Variants in RAB11FIP4 observed in about 807,000 individuals in gnomAD.
The protein encoded by RAB11FIP4 is rab11 family-interacting protein 4.
RAB11FIP4 carries 23 observed loss-of-function variants against 74.3 expected under a neutral mutation model. The observed-to-expected ratio is 0.31, with a 90% CI of 0.22 to 0.44. RAB11FIP4 has a LOEUF of 0.44. RAB11FIP4 is among the 20% of genes least tolerant of loss of function. The pLI is 1.00. For synonymous variants in RAB11FIP4, 360 were observed against 359.9 expected (o/e 1.00, Z 0.00); for missense variants, 630 against 863.9 (o/e 0.73, Z 3.39).
chr17:31,424,879 A>G (rs573199308), intron 1 of RAB11FIP4, among the ~76,000 whole-genome samples: 1 of 152,126 alleles, frequency 6.6e-6, no homozygotes, highest in African/African-American at 2.4e-5. Context: ...GCCTGGCCTA[A>G]TTTTTCTTTT....
Position 31,536,836 on chromosome 17 carries a change from T to C in RAB11FIP4, c.*5104T>C. ...ACCCACCAGAGAAAATAGGCTGCCT[T>C]CTAGAAAGATTTGTTTCTAAAAGCG... is the stretch of plus-strand genomic sequence containing the variant. On this transcript the variant is annotated 3_prime_UTR_variant, in exon 15 of 15. Coordinates refer to ENST00000621161, the MANE Select transcript of RAB11FIP4 (RefSeq NM_032932.6). 2.5e-6 allele frequency: 1 copy of C among 397,226 alleles called. No homozygotes were observed. Among genetic ancestry groups the C allele is most frequent in the Non-Finnish European group, 4.4e-6 (1 of 225,738 alleles). The allele number at this position is 397,226 out of a possible 1,614,324, so 24.6% of individuals were successfully genotyped here.
chr17:31,449,808 C>CA (rs760852001), intron 3 of RAB11FIP4, among the ~76,000 whole-genome samples: 5 of 152,168 alleles, frequency 3.3e-5, no homozygotes, highest in Non-Finnish European at 5.9e-5. Flanking sequence ...TGGCCTCAAG[C>CA]AATCCTCCAA....
intron 1 of RAB11FIP4, among the ~76,000 whole-genome samples, chr17:31,431,211 G>C (rs2071306549): frequency 6.6e-6 from 1 of 152,236 alleles, no homozygotes; most frequent in Non-Finnish European, 1.5e-5. Flanking sequence ...ACACCAAGCA[G>C]CATGGAAACT....
intron 3 of RAB11FIP4, chr17:31,487,955 C>G (rs1453970974): frequency 4.1e-6 from 3 of 733,942 alleles, no homozygotes; most frequent in African/African-American, 3.8e-5. Flanking sequence ...GCGTCCCTGT[C>G]CTCCGCCCCC....
Position 31,531,962 on chromosome 17 carries a change from C to T in RAB11FIP4, c.*230C>T. 1 of 492,938 alleles carries T rather than the reference C, an allele frequency of 2.0e-6. No individual in the cohort carries two copies. Among genetic ancestry groups the T allele is most frequent in the Non-Finnish European group, 3.6e-6 (1 of 274,940 alleles). The allele number at this position is 492,938 out of a possible 1,614,324, so 30.5% of individuals were successfully genotyped here. On this transcript the variant is annotated 3_prime_UTR_variant, in exon 15 of 15. Coordinates refer to ENST00000621161, the MANE Select transcript of RAB11FIP4 (RefSeq NM_032932.6). ...GTTAGCCGTGCATGCACTTTGTGGC[C>T]CCTTTGCAAGGGGCAGAGGGTACTG...
At chr17:31,424,870 C>A (rs1371838652) in intron 1 of RAB11FIP4, among the ~76,000 whole-genome samples, 1 of 152,128 alleles carries the variant, frequency 6.6e-6, no homozygotes, top group Non-Finnish European at 1.5e-5. Flanking sequence ...AGCCACTGTG[C>A]CTGGCCTAAT....
chr17:31,408,294 G>A (rs11080152), intron 1 of RAB11FIP4, among the ~76,000 whole-genome samples: 2,437 of 152,100 alleles, frequency 0.016, 69 homozygotes, highest in African/African-American at 0.056. Flanking sequence ...GGTCTGTAAC[G>A]GGTATTGCAT....
At chr17:31,392,082 C>T in intron 1 of RAB11FIP4, 71 bp downstream of exon 1, 1 of 1,127,752 alleles carries the variant, frequency 8.9e-7, no homozygotes, top group Non-Finnish European at 1.1e-6. Flanking sequence ...CCCAGCTCCC[C>T]CGCCGGGTCA....
At chr17:31,520,753 G>A (rs1002093872) in intron 4 of RAB11FIP4, among the ~76,000 whole-genome samples, 1 of 152,140 alleles carries the variant, frequency 6.6e-6, no homozygotes, top group African/African-American at 2.4e-5. Context: ...TGATCCGCCC[G>A]CCTCGGCCTC....
chr17:31,474,353 G>A (rs2071768527), intron 3 of RAB11FIP4, among the ~76,000 whole-genome samples: 1 of 152,126 alleles, frequency 6.6e-6, no homozygotes, highest in South Asian at 2.1e-4. Flanking sequence ...GGTTGGAGGG[G>A]TGGTGCCCTG....
At chr17:31,505,575 A>ATAATTATATAT in intron 3 of RAB11FIP4, among the ~76,000 whole-genome samples, 1 of 77,322 alleles carries the variant, frequency 1.3e-5, no homozygotes, top group African/African-American at 5.3e-5. Flanking sequence ...ATATATAATA[A>ATAATTATATAT]TATATAATAA....
intron 3 of RAB11FIP4, chr17:31,488,342 G>A (rs1391936872): frequency 5.0e-5 from 53 of 1,064,564 alleles, no homozygotes; most frequent in East Asian, 5.8e-5. Context: ...CCCGGCCCGC[G>A]GCCCCGGGAA....
In RAB11FIP4 at chr17:31,449,656, C is replaced by T. The variant is rs138347388; in HGVS notation, c.336+15534C>T. Among the ~76,000 whole-genome samples, 972 of 152,324 alleles carry T rather than the reference C, an allele frequency of 6.4e-3. 16 individuals are homozygous for T. The highest frequency in any genetic ancestry group is 0.023 in the African/African-American group (945 of 41,568). On this transcript the variant is annotated intron_variant, in intron 3 of 14. Transcript: ENST00000621161. ...ACCTGGGTTCAAGCAATCCTCCCAC[C>T]TCAGTCTCCCAGGTAGCTGGGACCA...
At chr17:31,435,144 C>T (rs1166585664) in intron 3 of RAB11FIP4, among the ~76,000 whole-genome samples, 1 of 152,190 alleles carries the variant, frequency 6.6e-6, no homozygotes, top group Admixed American at 6.5e-5. Context: ...TGTGATTGTG[C>T]TACTGCACTC....
At chr17:31,406,282 C>T (rs1022544602) in intron 1 of RAB11FIP4, among the ~76,000 whole-genome samples, 1 of 152,246 alleles carries the variant, frequency 6.6e-6, no homozygotes, top group African/African-American at 2.4e-5. Context: ...CCAGCGCAGG[C>T]GCTCAGCTGC....
chr17:31,515,603 G>A (rs2072531737), intron 3 of RAB11FIP4, among the ~76,000 whole-genome samples: 1 of 152,038 alleles, frequency 6.6e-6, no homozygotes, highest in Non-Finnish European at 1.5e-5. Context: ...AGCTGTCTGA[G>A]ACTCCAGGAG....
intron 10 of RAB11FIP4, chr17:31,527,618 A>G (rs1373447853): frequency 1.4e-5 from 6 of 421,446 alleles, no homozygotes; most frequent in African/African-American, 5.2e-5. Flanking sequence ...GAAAATAAGA[A>G]TGATAATTTA....
chr17:31,463,629 G>A (rs537890627), intron 3 of RAB11FIP4, among the ~76,000 whole-genome samples: 12 of 151,852 alleles, frequency 7.9e-5, no homozygotes, highest in African/African-American at 1.2e-4. Flanking sequence ...TCAGCCTCCC[G>A]AGTAGCTGGG....
chr17:31,482,965 C>T (rs981639560), intron 3 of RAB11FIP4, among the ~76,000 whole-genome samples: 20 of 151,942 alleles, frequency 1.3e-4, no homozygotes, highest in Admixed American at 6.6e-4. Context: ...GAGGCCGAGG[C>T]GGGCGGATCA....
Sources: gnomAD v4.1 joint callset for allele counts (sites outside exome capture counted in the v4.1 genomes callset) on GRCh38, gnomAD v4.1.1 for gene constraint, MANE v1.5 for transcripts, NCBI Gene and HGNC (gene_info 2026-07-23, HGNC 2026-07-21) for gene names.